Variants in MLLT1 observed in about 807,000 individuals in gnomAD.
MLLT1 encodes MLLT1 super elongation complex subunit.
Under a neutral mutation model 55.1 loss-of-function variants are expected in MLLT1, and 11 were observed. That is an observed-to-expected ratio of 0.20 (90% CI 0.13 to 0.33). The LOEUF (loss-of-function observed/expected upper bound fraction) is 0.33. MLLT1 is among the 10% of genes least tolerant of loss of function. The pLI, the probability that MLLT1 is intolerant of heterozygous loss-of-function variation, is 1.00. For missense variants in MLLT1, 536 were observed against 760.6 expected (o/e 0.70, Z 3.47); for synonymous variants, 323 against 320.1 (o/e 1.01, Z -0.10).
chr19:6,267,061 T>G (rs2091354640), intron 2 of MLLT1, among the ~76,000 whole-genome samples: 1 of 151,686 alleles, frequency 6.6e-6, no homozygotes, highest in Non-Finnish European at 1.5e-5. Context: ...GCCCAAGGAG[T>G]TGGAGTTCAG....
rs2091047405 is a variant in MLLT1, at chr19:6,235,112, G to A, written c.277-4399C>T. Among the ~76,000 whole-genome samples, 1 of 152,230 alleles carries A rather than the reference G, an allele frequency of 6.6e-6. No individual in the cohort carries two copies. The highest frequency in any genetic ancestry group is 2.4e-5 in the African/African-American group (1 of 41,460). ...GGATTTGCTCCAGAATGACCAGGAG[G>A]GCAGCGCAGGCTGGAACGGGCTTGG... On this transcript the variant is annotated intron_variant, in intron 3 of 11. Coordinates refer to ENST00000252674, the MANE Select transcript of MLLT1 (RefSeq NM_005934.4). This position sits in a 1 kb window ranked among gnomAD's most constrained non-coding sequence, Gnocchi z 5.5.
At chr19:6,261,641 C>CAAAA (rs556152203) in intron 3 of MLLT1, among the ~76,000 whole-genome samples, 1 of 70,680 alleles carries the variant, frequency 1.4e-5, no homozygotes, top group Non-Finnish European at 3.0e-5. Flanking sequence ...ATCATTAGGC[C>CAAAA]AAAAAAAAAA....
In MLLT1 at chr19:6,262,155, G is replaced by A; in HGVS notation, c.276+73C>T. On this transcript the variant is annotated intron_variant, in intron 3 of 11. Transcript: ENST00000252674. This position sits in a 1 kb window ranked among gnomAD's most constrained non-coding sequence, Gnocchi z 4.4. ...AGCGGCCAGTTCTCTGGCCTGTTTT[G>A]TGAACTGCCGTGGCACCCGGAGCAG... 1 of 1,210,492 alleles carries A rather than the reference G, an allele frequency of 8.3e-7. No individual in the cohort carries two copies. Among genetic ancestry groups the A allele is most frequent in the Non-Finnish European group, 1.2e-6 (1 of 817,610 alleles). The allele number at this position is 1,210,492 out of a possible 1,614,324, so 75.0% of individuals were successfully genotyped here.
chr19:6,253,596 T>C (rs568344009), intron 3 of MLLT1, among the ~76,000 whole-genome samples: 8 of 151,908 alleles, frequency 5.3e-5, no homozygotes, highest in Non-Finnish European at 1.2e-4. Flanking sequence ...GCAAACCCAA[T>C]CCAACAGCAC....
At position 6,273,417 on chromosome 19, in the gene MLLT1, G is replaced by A. The variant is rs1375772673; in HGVS notation, c.13-2658C>T. Reference sequence around the variant, plus strand: ...AGTGGGGATGGACGGAAGATCAGGCGCACTCATAAACCCCCGGCGCTGCGG... The same window carrying A: ...AGTGGGGATGGACGGAAGATCAGGCACACTCATAAACCCCCGGCGCTGCGG... On this transcript the variant is annotated intron_variant, in intron 1 of 11. Transcript: ENST00000252674. This position sits in a 1 kb window ranked among gnomAD's most constrained non-coding sequence, Gnocchi z 4.3. Among the ~76,000 whole-genome samples the A allele has an allele frequency of 1.3e-5, 2 of 152,290 alleles. No homozygotes were observed. The highest frequency in any genetic ancestry group is 1.9e-4 in the East Asian group (1 of 5,190).
At position 6,240,399 on chromosome 19, in the gene MLLT1, G is replaced by A. The variant is rs931532790; in HGVS notation, c.277-9686C>T. Among the ~76,000 whole-genome samples, 5 of 152,236 alleles carry A rather than the reference G, an allele frequency of 3.3e-5. No homozygotes were observed. The highest frequency in any genetic ancestry group is 1.2e-4 in the African/African-American group (5 of 41,464). ...GAGCACGCTGCCGCCACTGGAAGGAGCTCGACAGACACAGCAGGTGACGCA... is the reference window on the plus strand; with the variant it reads ...GAGCACGCTGCCGCCACTGGAAGGAACTCGACAGACACAGCAGGTGACGCA... On this transcript the variant is annotated intron_variant, in intron 3 of 11. Coordinates refer to ENST00000252674, the MANE Select transcript of MLLT1 (RefSeq NM_005934.4). The surrounding 1 kb of genome is among the most constrained non-coding windows in gnomAD (Gnocchi z 4.7).
In MLLT1 at chr19:6,256,674, A is replaced by C. The variant is rs1211582174; in HGVS notation, c.276+5554T>G. Among the ~76,000 whole-genome samples, 2 of 152,066 alleles carry C rather than the reference A, an allele frequency of 1.3e-5. No homozygotes were observed. The highest frequency in any genetic ancestry group is 3.9e-4 in the East Asian group (2 of 5,188). On this transcript the variant is annotated intron_variant, in intron 3 of 11. Transcript: ENST00000252674. The surrounding 1 kb of genome is among the most constrained non-coding windows in gnomAD (Gnocchi z 4.1). ...GAGGCTGAGGCAGGAGAATGGTGTG[A>C]ACCCGGGAGGCGGAGCTTGCAGTGA...
chr19:6,244,837 T>C (rs2091151681), intron 3 of MLLT1, among the ~76,000 whole-genome samples: 2 of 152,140 alleles, frequency 1.3e-5, no homozygotes, highest in South Asian at 4.1e-4. Flanking sequence ...ATGAAAACGA[T>C]GCTCATTACC....
intron 1 of MLLT1, among the ~76,000 whole-genome samples, chr19:6,278,312 G>A (rs531511756): frequency 6.6e-6 from 1 of 152,302 alleles, no homozygotes; most frequent in Admixed American, 6.5e-5. Flanking sequence ...AGGGGCTTGG[G>A]TATTGGAGAA....
rs567062980 is a variant in MLLT1 at position 6,212,966 on chromosome 19, G to A, written c.*76C>T. On this transcript the variant is annotated 3_prime_UTR_variant, in exon 12 of 12. Coordinates refer to ENST00000252674, the MANE Select transcript of MLLT1 (RefSeq NM_005934.4). ...AGGCAGTGCTGCGGGCAGGCGAGAC[G>A]GGAGAGGAGGGCAGGCGAGGCCTGG... 63 of 1,564,252 alleles carry A rather than the reference G, an allele frequency of 4.0e-5. No homozygotes were observed. Among genetic ancestry groups the A allele is most frequent in the African/African-American group, 1.8e-4 (13 of 73,924 alleles).
chr19:6,223,880 G>A (rs570606522), intron 5 of MLLT1, among the ~76,000 whole-genome samples: 17 of 152,288 alleles, frequency 1.1e-4, no homozygotes, highest in African/African-American at 4.1e-4. Context: ...AGGAGCAGCG[G>A]CCAGCAGGTG....
chr19:6,222,677 T>G lies in MLLT1; in HGVS notation c.554A>C (p.Asn185Thr), dbSNP rs143194445. ...TKPSHGSKDA[N>T]KESSKTSKPH... The stretch of plus-strand genomic sequence containing the variant: ...CTTGGAGGTCTTGCTGCTCTCCTTG[T>G]TGGCGTCCTGCAAGGCCAAGAGCAG... The change falls in exon 6 of 12, where the codon AAC becomes ACC. Residue 185 changes from asparagine to threonine, a missense_variant. Coordinates refer to ENST00000252674, the MANE Select transcript of MLLT1 (RefSeq NM_005934.4). The surrounding 1 kb of genome is among the most constrained non-coding windows in gnomAD (Gnocchi z 4.1). 2.6e-6 allele frequency: 4 copies of G among 1,535,476 alleles called. No homozygotes were observed. The highest frequency in any genetic ancestry group is 3.5e-6 in the Non-Finnish European group (4 of 1,144,700).
At position 6,211,382 on chromosome 19, in the gene MLLT1, C is replaced by T. The variant is rs78726791; in HGVS notation, c.*1660G>A. ...CTCCGAAGGTTCTCGGGCCTTTCCC[C>T]GAGAGTTCTGGGGAGTTTCCCCAGG... is the stretch of plus-strand genomic sequence containing the variant. On this transcript the variant is annotated 3_prime_UTR_variant, in exon 12 of 12. Coordinates refer to ENST00000252674, the MANE Select transcript of MLLT1 (RefSeq NM_005934.4). The surrounding 1 kb of genome is among the most constrained non-coding windows in gnomAD (Gnocchi z 4.6). 1.3e-5 allele frequency: 3 copies of T among 236,744 alleles called. No individual in the cohort carries two copies. The highest frequency in any genetic ancestry group is 6.1e-5 in the East Asian group (1 of 16,378). The allele number at this position is 236,744 out of a possible 1,614,324, so 14.7% of individuals were successfully genotyped here.
At chr19:6,223,305 G>A (rs868280911) in intron 5 of MLLT1, among the ~76,000 whole-genome samples, 17 of 152,308 alleles carry the variant, frequency 1.1e-4, no homozygotes, top group South Asian at 1.0e-3. Context: ...GGTACCGCAC[G>A]GAGCAAACAG....
chr19:6,264,347 G>A (rs910155101), intron 2 of MLLT1, among the ~76,000 whole-genome samples: 12 of 151,570 alleles, frequency 7.9e-5, no homozygotes, highest in African/African-American at 2.4e-4. Context: ...AACTTGCAGC[G>A]TGGAAACCAG....
At chr19:6,254,468 C>T (rs1191678319) in intron 3 of MLLT1, among the ~76,000 whole-genome samples, 1 of 152,232 alleles carries the variant, frequency 6.6e-6, no homozygotes, top group African/African-American at 2.4e-5. Context: ...GTACAGGTGG[C>T]AGTCTGGGAC....
At chr19:6,265,051 A>C (rs1315149295) in intron 2 of MLLT1, among the ~76,000 whole-genome samples, 1 of 37,738 alleles carries the variant, frequency 2.6e-5, no homozygotes, top group Non-Finnish European at 1.2e-4. Context: ...AAAAAAAACA[A>C]AAAAACAAAA....
chr19:6,251,829 C>CTG (rs2091217528), intron 3 of MLLT1, among the ~76,000 whole-genome samples: 1 of 152,060 alleles, frequency 6.6e-6, no homozygotes, highest in Non-Finnish European at 1.5e-5. Context: ...TGACATGCAC[C>CTG]TGTGGTCCCA....
Position 6,222,048 on chromosome 19 carries a change from C to A in MLLT1, c.1110+73G>T. 7.7e-7 allele frequency: 1 copy of A among 1,302,606 alleles called. No homozygotes were observed. The highest frequency in any genetic ancestry group is 2.7e-5 in the East Asian group (1 of 36,654). 80.7% of individuals were successfully genotyped at this position (1,302,606 alleles called of 1,614,324 possible). A position where few individuals can be genotyped will look rare whatever the true frequency, so the allele number is the denominator to read the frequency against. ...TCCTGGCTCAGATCCCACCTCCTTC[C>A]GCTGTTCCAGAAGGGAGGCGGGTCC... On this transcript the variant is annotated intron_variant, in intron 6 of 11. Coordinates refer to ENST00000252674, the MANE Select transcript of MLLT1 (RefSeq NM_005934.4). This position sits in a 1 kb window ranked among gnomAD's most constrained non-coding sequence, Gnocchi z 4.1.
Sources: gnomAD v4.1 joint callset for allele counts (sites outside exome capture counted in the v4.1 genomes callset) on GRCh38, gnomAD v4.1.1 for gene constraint, Gnocchi (gnomAD v3.1) non-coding constraint, MANE v1.5 for transcripts, NCBI Gene and HGNC (gene_info 2026-07-23, HGNC 2026-07-21) for gene names.